Variants in ROBO2 observed in about 807,000 individuals in gnomAD.
The protein encoded by ROBO2 is roundabout guidance receptor 2.
In ROBO2, 53 loss-of-function variants were observed where a neutral mutation model predicts 160.8. The observed-to-expected ratio is 0.33, with a 90% CI of 0.26 to 0.41. ROBO2 has a LOEUF of 0.41. Among genes scored for constraint, ROBO2 ranks in the 10% least tolerant of loss-of-function variants. The pLI is 1.00. For missense variants in ROBO2, 1,577 were observed against 1,722.4 expected (o/e 0.92, Z 1.49); for synonymous variants, 664 against 611.7 (o/e 1.09, Z -1.26).
Position 76,953,713 on chromosome 3 carries a change from ACCATTAG to A in ROBO2, c.110-144299_110-144293del, listed in dbSNP as rs144853690. On this transcript the variant is annotated intron_variant, in intron 2 of 26. Transcript: ENST00000487694. The stretch of plus-strand genomic sequence containing the variant: ...CTTTGTATTATGTTTGGCAGGGAAT[ACCATTAG>A]CTGTGAAGAAAGACAGTCCTTAGAA... 1.3e-3 allele frequency among the ~76,000 whole-genome samples: 203 copies of A among 152,328 alleles called. 4 individuals are homozygous for A. In the East Asian group the frequency reaches 0.019, roughly 14 times the overall value.
intron 2 of ROBO2, among the ~76,000 whole-genome samples, chr3:76,406,148 A>G (rs1377122325): frequency 1.3e-5 from 2 of 151,804 alleles, no homozygotes; most frequent in Admixed American, 6.6e-5. Flanking sequence ...CAAAACACTT[A>G]GAATATTTCA....
intron 1 of ROBO2, among the ~76,000 whole-genome samples, chr3:77,073,535 C>T (rs2067629155): frequency 6.6e-6 from 1 of 152,124 alleles, no homozygotes; most frequent in South Asian, 2.1e-4. Context: ...TAAGGAAGGG[C>T]TCTCATTTTT....
intron 4 of ROBO2, among the ~76,000 whole-genome samples, chr3:77,492,634 A>G (rs1198147031): frequency 6.6e-6 from 1 of 152,170 alleles, no homozygotes; most frequent in African/African-American, 2.4e-5. Context: ...ATAGTTTGCA[A>G]CAATTAATAA....
intron 2 of ROBO2, among the ~76,000 whole-genome samples, chr3:76,989,878 G>A (rs972745781): frequency 7.9e-5 from 12 of 152,268 alleles, no homozygotes; most frequent in Middle Eastern, 3.4e-3. Flanking sequence ...ATGTGGGCAT[G>A]CATGAACAGG....
intron 5 of ROBO2, among the ~76,000 whole-genome samples, chr3:77,500,776 T>C (rs1468195940): frequency 6.6e-6 from 1 of 152,164 alleles, no homozygotes; most frequent in Non-Finnish European, 1.5e-5. Flanking sequence ...ACAAAACTAA[T>C]TGCCACCTAC....
intron 2 of ROBO2, among the ~76,000 whole-genome samples, chr3:77,151,288 T>C (rs2077527159): frequency 6.6e-6 from 1 of 152,154 alleles, no homozygotes; most frequent in Non-Finnish European, 1.5e-5. Context: ...CAAATATTTG[T>C]ATACAAATAT....
At chr3:76,630,858 G>T (rs2089988750) in intron 2 of ROBO2, among the ~76,000 whole-genome samples, 1 of 152,142 alleles carries the variant, frequency 6.6e-6, no homozygotes, top group Non-Finnish European at 1.5e-5. Flanking sequence ...TCCTAAAACT[G>T]AATCCTAAAA....
rs1453063325 is a variant in ROBO2, at chr3:76,327,883, A to G, written c.109+390281A>G. Among the ~76,000 whole-genome samples, 3 of 152,286 alleles carry G rather than the reference A, an allele frequency of 2.0e-5. No individual in the cohort carries two copies. The East Asian group carries it at 5.8e-4, about 29-fold the overall frequency. ...TTTTCTTCAGAAGAATGTGAAAAAA[A>G]AAAGTGTTAAGTCTGGATAATGGGG... is the stretch of plus-strand genomic sequence containing the variant. On this transcript the variant is annotated intron_variant, in intron 2 of 26. Transcript: ENST00000487694.
chr3:77,027,551 G>A (rs779486344), intron 2 of ROBO2, among the ~76,000 whole-genome samples: 2 of 152,158 alleles, frequency 1.3e-5, no homozygotes, highest in Non-Finnish European at 2.9e-5. Flanking sequence ...GCAATTGCTA[G>A]GTTGCTTTAT....
At chr3:77,008,942 A>G (rs1338974599) in intron 2 of ROBO2, among the ~76,000 whole-genome samples, 1 of 152,200 alleles carries the variant, frequency 6.6e-6, no homozygotes, top group African/African-American at 2.4e-5. Context: ...GTAAATGTAT[A>G]GACTATTGTT....
chr3:76,233,446 C>G (rs534506212), intron 2 of ROBO2, among the ~76,000 whole-genome samples: 1 of 152,202 alleles, frequency 6.6e-6, no homozygotes, highest in African/African-American at 2.4e-5. Flanking sequence ...GCCTGGCCTG[C>G]TGGGTATTAT....
At chr3:77,508,142 T>C (rs1405739539) in intron 5 of ROBO2, among the ~76,000 whole-genome samples, 2 of 151,760 alleles carry the variant, frequency 1.3e-5, no homozygotes, top group African/African-American at 4.8e-5. Flanking sequence ...ATGTATCTTG[T>C]TCTCAGAACT....
At chr3:76,547,453 T>C (rs1165138962) in intron 2 of ROBO2, among the ~76,000 whole-genome samples, 1 of 151,988 alleles carries the variant, frequency 6.6e-6, no homozygotes, top group Non-Finnish European at 1.5e-5. Context: ...TCTAGGTGGG[T>C]AAAGTTTATT....
At chr3:76,223,034 C>T (rs1049291678) in intron 2 of ROBO2, among the ~76,000 whole-genome samples, 1 of 151,892 alleles carries the variant, frequency 6.6e-6, no homozygotes, top group African/African-American at 2.4e-5. Flanking sequence ...GTATTTCAGG[C>T]ATGCGCCACC....
At chr3:77,535,118 C>T (rs1438640219) in intron 6 of ROBO2, among the ~76,000 whole-genome samples, 2 of 152,110 alleles carry the variant, frequency 1.3e-5, no homozygotes, top group Admixed American at 1.3e-4. Context: ...TATTAAGAAA[C>T]ATTGCAGTTG....
At position 76,477,237 on chromosome 3, in the gene ROBO2, G is replaced by A. The variant is rs79370967; in HGVS notation, c.109+539635G>A. Reference sequence around the variant, plus strand: ...ACCTCTATGTTTGTAAAAAGATGATGGGTAGGATTCTTTCATATTCGGTTA... The same window carrying A: ...ACCTCTATGTTTGTAAAAAGATGATAGGTAGGATTCTTTCATATTCGGTTA... On this transcript the variant is annotated intron_variant, in intron 2 of 26. Coordinates refer to the ROBO2 transcript ENST00000487694. Among the ~76,000 whole-genome samples, 1,234 of 152,200 alleles carry A rather than the reference G, an allele frequency of 8.1e-3. 20 individuals are homozygous for A. The highest frequency in any genetic ancestry group is 0.028 in the African/African-American group (1,153 of 41,534).
At chr3:76,909,659 T>C (rs1375845897) in intron 2 of ROBO2, among the ~76,000 whole-genome samples, 3 of 152,238 alleles carry the variant, frequency 2.0e-5, no homozygotes, top group African/African-American at 7.2e-5. Context: ...GTTTTTTAAA[T>C]TGACATTTTA....
chr3:77,312,980 G>A (rs933245704), intron 2 of ROBO2, among the ~76,000 whole-genome samples: 1 of 152,118 alleles, frequency 6.6e-6, no homozygotes, highest in Non-Finnish European at 1.5e-5. Flanking sequence ...ACAGTGCAAA[G>A]CTTATCTTCA....
intron 2 of ROBO2, among the ~76,000 whole-genome samples, chr3:76,162,105 CA>C (rs1316181433): frequency 2.0e-5 from 3 of 152,076 alleles, no homozygotes; most frequent in Non-Finnish European, 4.4e-5. Context: ...ATAAGTTATG[CA>C]GAGAGATTTT....
Sources: allele counts gnomAD v4.1 joint callset (sites outside exome capture counted in the v4.1 genomes callset), GRCh38; gene constraint gnomAD v4.1.1; transcripts MANE v1.5; gene names NCBI Gene and HGNC (gene_info 2026-07-23, HGNC 2026-07-21).